SCUBE1: variants seen among roughly 807,000 people sequenced by gnomAD.
The protein encoded by SCUBE1 is signal peptide, CUB domain and EGF like domain containing 1.
Under a neutral mutation model 124.4 loss-of-function variants are expected in SCUBE1, and 59 were observed. The observed-to-expected ratio is 0.47, with a 90% CI of 0.38 to 0.59. The LOEUF is 0.59. Among genes scored for constraint, SCUBE1 ranks in the 20% least tolerant of loss-of-function variants. SCUBE1 has a pLI of 0.00. For synonymous variants in SCUBE1, 545 were observed against 550.9 expected (o/e 0.99, Z 0.15); for missense variants, 1,150 against 1,371.2 (o/e 0.84, Z 2.55).
intron 4 of SCUBE1, among the ~76,000 whole-genome samples, chr22:43,280,444 C>CTGTCCCTTCCCCTCACCCATCCTG (rs1924735247): frequency 6.4e-5 from 7 of 109,216 alleles, no homozygotes; most frequent in Non-Finnish European, 1.1e-4. Flanking sequence ...CACCCATCCC[C>CTGTCCCTTCCCCTCACCCATCCTG]CTGTCCCTTC....
chr22:43,263,728 C>CTTT (rs1923959103), intron 4 of SCUBE1, among the ~76,000 whole-genome samples: 2 of 152,198 alleles, frequency 1.3e-5, no homozygotes, highest in Admixed American at 1.3e-4. Context: ...ATCAAACAAA[C>CTTT]AAATGGAAAT....
At chr22:43,280,467 C>CCGCTG (rs1569009401) in intron 4 of SCUBE1, among the ~76,000 whole-genome samples, 2 of 87,312 alleles carry the variant, frequency 2.3e-5, no homozygotes, top group Non-Finnish European at 4.1e-5. Context: ...CTCACCCATC[C>CCGCTG]TCCCGTCCCT....
intron 4 of SCUBE1, among the ~76,000 whole-genome samples, chr22:43,280,807 C>CT (rs1394009018): frequency 2.2e-5 from 3 of 136,196 alleles, no homozygotes; most frequent in African/African-American, 9.0e-5. Context: ...ACCCTGTCAC[C>CT]TCCCTCAGCC....
chr22:43,203,184 G>A lies in SCUBE1; in HGVS notation c.*813C>T, dbSNP rs1324515282. ...CAAGCTGTGCTCTCCCCAGCCCCAA[G>A]GGCTGCCGGCCTCACAGAAACAGAA... On this transcript the variant is annotated 3_prime_UTR_variant, in exon 22 of 22. Coordinates refer to ENST00000360835, the MANE Select transcript of SCUBE1 (RefSeq NM_173050.5). 6.6e-6 allele frequency: 1 copy of A among 152,060 alleles called. No individual in the cohort carries two copies. The highest frequency in any genetic ancestry group is 1.9e-4 in the East Asian group (1 of 5,200). The allele number at this position is 152,060 out of a possible 1,614,324, so 9.4% of individuals were successfully genotyped here.
intron 13 of SCUBE1, 34 bp downstream of exon 13, chr22:43,221,139 T>G: frequency 9.2e-6 from 14 of 1,523,270 alleles, no homozygotes; most frequent in East Asian, 2.3e-5. Flanking sequence ...TACAGCCCCG[T>G]TGGTGTGGGT....
At chr22:43,322,225 C>T (rs574310497) in intron 2 of SCUBE1, among the ~76,000 whole-genome samples, 6 of 152,244 alleles carry the variant, frequency 3.9e-5, no homozygotes, top group Admixed American at 2.0e-4. Flanking sequence ...CCTCGTGATC[C>T]GCCCACCTTG....
At chr22:43,260,256 C>A (rs1427938243) in intron 5 of SCUBE1, among the ~76,000 whole-genome samples, 2 of 152,232 alleles carry the variant, frequency 1.3e-5, no homozygotes, top group Non-Finnish European at 2.9e-5. Context: ...CTCAGGGACC[C>A]TTGTTCCCTC....
chr22:43,274,298 G>C (rs1924410360), intron 4 of SCUBE1, among the ~76,000 whole-genome samples: 1 of 152,158 alleles, frequency 6.6e-6, no homozygotes, highest in Admixed American at 6.5e-5. Flanking sequence ...AATACTTCCT[G>C]AGTATAAGTA....
intron 6 of SCUBE1, among the ~76,000 whole-genome samples, chr22:43,243,140 C>T (rs576944126): frequency 6.6e-6 from 1 of 152,358 alleles, no homozygotes; most frequent in Admixed American, 6.5e-5. Flanking sequence ...TCAGGTCACA[C>T]AGCTATTGGG....
intron 3 of SCUBE1, among the ~76,000 whole-genome samples, chr22:43,297,002 G>T (rs1925586616): frequency 6.6e-6 from 1 of 152,236 alleles, no homozygotes; most frequent in Non-Finnish European, 1.5e-5. Flanking sequence ...GTGGGAGAAG[G>T]GAAGGACAGG....
At chr22:43,321,570 G>A (rs1926556118) in intron 2 of SCUBE1, among the ~76,000 whole-genome samples, 2 of 151,538 alleles carry the variant, frequency 1.3e-5, no homozygotes, top group African/African-American at 4.9e-5. Context: ...TCTGGGCTGT[G>A]CAGCCACTCT....
chr22:43,317,104 A>G (rs1007629461), intron 3 of SCUBE1: 1 of 152,232 alleles, frequency 6.6e-6, no homozygotes, highest in Non-Finnish European at 1.5e-5. Flanking sequence ...ACTTTTGTGA[A>G]GCATTCCTAA....
intron 4 of SCUBE1, among the ~76,000 whole-genome samples, chr22:43,274,446 C>T (rs1449209995): frequency 2.0e-5 from 3 of 152,192 alleles, no homozygotes; most frequent in South Asian, 2.1e-4. Context: ...GAAGCCATGG[C>T]GGACGGACAG....
chr22:43,275,051 G>A (rs935420828), intron 4 of SCUBE1, among the ~76,000 whole-genome samples: 36 of 152,248 alleles, frequency 2.4e-4, no homozygotes, highest in African/African-American at 8.4e-4. Flanking sequence ...GATCTGTGAT[G>A]TGCCCTGGGG....
In SCUBE1 at chr22:43,199,042, G is replaced by A; in HGVS notation, c.*4955C>T. ...GTCTGTTTGTCTCTCTGCTGTCCAG[G>A]GCAATGTGTCTGTTTGTCTGTCTGC... is the stretch of plus-strand genomic sequence containing the variant. On this transcript the variant is annotated 3_prime_UTR_variant, in exon 22 of 22. Transcript: ENST00000360835. The A allele has an allele frequency of 3.2e-6, 1 of 313,694 alleles. No homozygotes were observed. Among genetic ancestry groups the A allele is most frequent in the Non-Finnish European group, 6.2e-6 (1 of 160,978 alleles). 19.4% of individuals were successfully genotyped at this position (313,694 alleles called of 1,614,324 possible).
At chr22:43,329,706 G>A (rs1569033623) in intron 2 of SCUBE1, among the ~76,000 whole-genome samples, 1 of 152,178 alleles carries the variant, frequency 6.6e-6, no homozygotes, top group Non-Finnish European at 1.5e-5. Context: ...CTGCAGCCCT[G>A]GCCCATCTGG....
At chr22:43,323,519 T>C (rs866849293) in intron 2 of SCUBE1, among the ~76,000 whole-genome samples, 20 of 152,164 alleles carry the variant, frequency 1.3e-4, no homozygotes, top group African/African-American at 4.6e-4. Flanking sequence ...CACGCATGCA[T>C]GCATCCATCT....
intron 2 of SCUBE1, among the ~76,000 whole-genome samples, chr22:43,328,423 G>C (rs929024428): frequency 6.6e-6 from 1 of 152,114 alleles, no homozygotes; most frequent in Non-Finnish European, 1.5e-5. Flanking sequence ...GGGGAGGCCC[G>C]AGACCCAAAA....
At position 43,323,588 on chromosome 22, in the gene SCUBE1, ACATCCATCCATCCATCCATCCATC is replaced by A. The variant is rs56143728; in HGVS notation, c.221-3547_221-3524del. Among the ~76,000 whole-genome samples the A allele has an allele frequency of 7.1e-4, 106 of 148,724 alleles. 7 individuals carry two copies. The East Asian group carries it at 0.021, about 29-fold the overall frequency. ...TTCATCTAAGCACTGACCCATCCAAACATCCATCCATCCATCCATCCATCCATCCATCCATCCATCCATCCAGAT... is the reference window on the plus strand; with the variant it reads ...TTCATCTAAGCACTGACCCATCCAAACATCCATCCATCCATCCATCCAGAT... On this transcript the variant is annotated intron_variant, in intron 2 of 21. Coordinates refer to ENST00000360835, the MANE Select transcript of SCUBE1 (RefSeq NM_173050.5).
Sources: allele counts gnomAD v4.1 joint callset (sites outside exome capture counted in the v4.1 genomes callset), GRCh38; gene constraint gnomAD v4.1.1; transcripts MANE v1.5; gene names NCBI Gene and HGNC (gene_info 2026-07-23, HGNC 2026-07-21).